The following MED21 variants were observed in gnomAD, a reference collection of about 807,000 sequenced individuals.
The protein encoded by MED21 is mediator of RNA polymerase II transcription subunit 21.
MED21 carries 9 observed loss-of-function variants against 18.2 expected under a neutral mutation model. That is an observed-to-expected ratio of 0.49 (90% confidence interval 0.30 to 0.86). The LOEUF is 0.86. Ranked by LOEUF, MED21 falls within the 40% of genes least tolerant of loss-of-function variation. MED21 has a pLI of 0.07. For synonymous variants in MED21, 73 were observed against 60.5 expected, an observed-to-expected ratio of 1.21 and a Z score of -0.96; for missense variants, 150 against 170.9, an observed-to-expected ratio of 0.88 and a Z score of 0.68.
intron 1 of MED21, among the ~76,000 whole-genome samples, chr12:27,023,454 G>C (rs568075664): frequency 2.0e-5 from 3 of 151,750 alleles, no homozygotes; most frequent in African/African-American, 7.2e-5. Flanking sequence ...CCTCCACCAC[G>C]CCCGGCTAAT....
At chr12:27,027,021 C>T (rs1161422302) in intron 2 of MED21, among the ~76,000 whole-genome samples, 1 of 152,132 alleles carries the variant, frequency 6.6e-6, no homozygotes, top group African/African-American at 2.4e-5. Context: ...TTTCGCCTCC[C>T]GGGTTCAAGG....
chr12:27,036,767 C>T (rs1004328899), intron 2 of MED21, among the ~76,000 whole-genome samples: 3 of 152,180 alleles, frequency 2.0e-5, no homozygotes, highest in Admixed American at 6.5e-5. Flanking sequence ...GGCGTTATTT[C>T]TGAGGCCTCT....
rs1400354591 is a variant in MED21, at chr12:27,026,551, A to G, written c.157+17A>G. The G allele has an allele frequency of 2.6e-6, 4 of 1,514,970 alleles. No homozygotes were observed. Among genetic ancestry groups the G allele is most frequent in the South Asian group, 1.1e-5 (1 of 88,096 alleles). 93.8% of individuals were successfully genotyped at this position (1,514,970 alleles called of 1,614,324 possible). On this transcript the variant is annotated intron_variant, in intron 2 of 3. Coordinates refer to ENST00000282892, the MANE Select transcript of MED21 (RefSeq NM_004264.5). ...CTACAGAAGGTAAACAGGTTTTCTT[A>G]GCTTCTCTTAGTTTGACTCTCACAT... is the stretch of plus-strand genomic sequence containing the variant.
intron 2 of MED21, among the ~76,000 whole-genome samples, chr12:27,036,363 G>A (rs1406725965): frequency 7.2e-5 from 11 of 152,100 alleles, no homozygotes; most frequent in African/African-American, 9.7e-5. Context: ...AGTAGGTTGC[G>A]AAAATTTTCT....
In MED21 at chr12:27,023,300, C is replaced by CTTTTTTTTTTT. The variant is rs71437317; in HGVS notation, c.42+686_42+696dup. The stretch of plus-strand genomic sequence containing the variant: ...CGCTTATTTGAGTCTTTTTTCTTTT[C>CTTTTTTTTTTT]TTTTTTTTTTTTTTTTTACTTTGGA... On this transcript the variant is annotated intron_variant, in intron 1 of 3. Coordinates refer to ENST00000282892, the MANE Select transcript of MED21 (RefSeq NM_004264.5). Among the ~76,000 whole-genome samples the CTTTTTTTTTTT allele has an allele frequency of 5.6e-3, 620 of 110,256 alleles. 9 individuals carry two copies. The highest frequency in any genetic ancestry group is 0.017 in the East Asian group (60 of 3,602). 72.3% of individuals were successfully genotyped at this position (110,256 alleles called of 152,430 possible).
chr12:27,032,411 A>G (rs1229658237), downstream of MED21, among the ~76,000 whole-genome samples: 2 of 152,172 alleles, frequency 1.3e-5, no homozygotes, highest in Non-Finnish European at 2.9e-5. Context: ...TGTTGCTGGA[A>G]TAGATATCCT....
At chr12:27,035,810 T>G (rs1035018521) in intron 2 of MED21, among the ~76,000 whole-genome samples, 4 of 151,878 alleles carry the variant, frequency 2.6e-5, no homozygotes, top group Admixed American at 6.6e-5. Flanking sequence ...GGTGTATATG[T>G]GCCACATTTT....
At chr12:27,023,374 A>G (rs531277423) in intron 1 of MED21, among the ~76,000 whole-genome samples, 1 of 131,872 alleles carries the variant, frequency 7.6e-6, no homozygotes, top group Non-Finnish European at 1.5e-5. Flanking sequence ...ATCTCTGCTC[A>G]CTGCATCCTC....
intron 1 of MED21, among the ~76,000 whole-genome samples, chr12:27,024,426 T>A (rs189384160): frequency 6.6e-6 from 1 of 152,292 alleles, no homozygotes; most frequent in African/African-American, 2.4e-5. Flanking sequence ...GTTTTTAAGC[T>A]GAGAGGACCA....
rs904680153 is a variant in MED21, at chr12:27,028,919, A to G, written c.*458A>G. On this transcript the variant is annotated 3_prime_UTR_variant, in exon 4 of 4. Transcript: ENST00000282892. The stretch of plus-strand genomic sequence containing the variant: ...CATTGTGTAAATCTGAGCTTTGAGC[A>G]AGAAAGTTTTGGAAATTGTGTTGCT... 5.1e-6 allele frequency: 5 copies of G among 985,598 alleles called. No homozygotes were observed. The African/African-American group carries it at 8.7e-5, about 17-fold the overall frequency. The allele number at this position is 985,598 out of a possible 1,614,324, so 61.1% of individuals were successfully genotyped here. A position where few individuals can be genotyped will look rare whatever the true frequency, so the allele number is the denominator to read the frequency against.
downstream of MED21, among the ~76,000 whole-genome samples, chr12:27,033,017 C>T (rs923961444): frequency 6.6e-6 from 1 of 152,120 alleles, no homozygotes; most frequent in Non-Finnish European, 1.5e-5. Flanking sequence ...CCTGTTTATT[C>T]CTCCCTGTAA....
chr12:27,026,446 T>C lies in MED21; in HGVS notation c.69T>C (p.Ile23=), dbSNP rs1941545763. Residue 23 remains isoleucine, a synonymous_variant, in exon 2 of 4, where the codon ATT becomes ATC. Coordinates refer to ENST00000282892, the MANE Select transcript of MED21 (RefSeq NM_004264.5). ...TTGCAGATCAGTTTTGTAATGCCAT[T>C]GGAGTATTGCAGCAATGTGGTCCTC... The part of the protein sequence containing the change: ...NSLADQFCNA[I]GVLQQCGPPA... 3 of 1,613,534 alleles carry C rather than the reference T, an allele frequency of 1.9e-6. No individual in the cohort carries two copies. Among genetic ancestry groups the C allele is most frequent in the African/African-American group, 1.3e-5 (1 of 74,912 alleles).
chr12:27,036,942 G>T, intron 2 of MED21, among the ~76,000 whole-genome samples: 1 of 152,138 alleles, frequency 6.6e-6, no homozygotes, highest in East Asian at 1.9e-4. Context: ...GGTTCCATAT[G>T]AACTTTAAAG....
intron 2 of MED21, chr12:27,037,449 T>C (rs1293972897): frequency 2.6e-5 from 4 of 152,018 alleles, no homozygotes; most frequent in Non-Finnish European, 5.9e-5. Context: ...TCCTGCCTAA[T>C]TGCCCTGGCC....
chr12:27,031,446 C>T (rs1478819547), downstream of MED21, among the ~76,000 whole-genome samples: 4 of 152,148 alleles, frequency 2.6e-5, no homozygotes, highest in African/African-American at 7.2e-5. Flanking sequence ...GAAGGGTATT[C>T]TGGCATTTCA....
At chr12:27,038,632 C>G (rs756950571) in intron 2 of MED21, 2 of 152,184 alleles carry the variant, frequency 1.3e-5, no homozygotes, top group Non-Finnish European at 2.9e-5. Flanking sequence ...TAGACAAATA[C>G]TGTACACCAG....
downstream of MED21, among the ~76,000 whole-genome samples, chr12:27,031,469 A>G (rs1189799187): frequency 6.6e-6 from 1 of 152,212 alleles, no homozygotes; most frequent in Non-Finnish European, 1.5e-5. Flanking sequence ...TTGATTTAAT[A>G]TAAGTAAACC....
downstream of MED21, among the ~76,000 whole-genome samples, chr12:27,033,762 A>C (rs1007617369): frequency 6.6e-6 from 1 of 152,244 alleles, no homozygotes; most frequent in African/African-American, 2.4e-5. Flanking sequence ...AGGAGTCAAA[A>C]GAAGAAATCA....
chr12:27,029,828 C>G lies in MED21; in HGVS notation c.*1367C>G, dbSNP rs559859993. The G allele has an allele frequency of 1.0e-6, 1 of 1,000,426 alleles. No homozygotes were observed. Among genetic ancestry groups the G allele is most frequent in the Non-Finnish European group, 1.2e-6 (1 of 839,018 alleles). 62.0% of individuals were successfully genotyped at this position (1,000,426 alleles called of 1,614,324 possible). ...CAGTCAGAAAACTTATTCAAAGTAC[C>G]TAAGTATTATAAAGGAGTCAAAAAG... On this transcript the variant is annotated 3_prime_UTR_variant, in exon 4 of 4. Coordinates refer to ENST00000282892, the MANE Select transcript of MED21 (RefSeq NM_004264.5).
Sources: gnomAD v4.1 joint callset for allele counts (sites outside exome capture counted in the v4.1 genomes callset) on GRCh38, gnomAD v4.1.1 for gene constraint, MANE v1.5 for transcripts, NCBI Gene and HGNC (gene_info 2026-07-23, HGNC 2026-07-21) for gene names.